MMP26: variants seen among roughly 807,000 people sequenced by gnomAD.
MMP26 encodes the protein matrix metalloproteinase-26.
MMP26 carries 33 observed loss-of-function variants against 31.0 expected under a neutral mutation model. The observed-to-expected ratio is 1.06, with a 90% CI of 0.81 to 1.42. The LOEUF (loss-of-function observed/expected upper bound fraction) is 1.42. MMP26 is among the 40% of genes most tolerant of loss of function. The pLI is 0.00. For missense variants in MMP26, 347 were observed against 316.1 expected, an observed-to-expected ratio of 1.10 and a Z score of -0.74; for synonymous variants, 122 against 114.9, an observed-to-expected ratio of 1.06 and a Z score of -0.40.
chr11:4,939,759 A>G (rs180941440), intron 2 of MMP26, among the ~76,000 whole-genome samples: 1 of 152,194 alleles, frequency 6.6e-6, no homozygotes, highest in Admixed American at 6.5e-5. Flanking sequence ...CTATCCCAGG[A>G]CCTTGCTTCC....
intron 2 of MMP26, among the ~76,000 whole-genome samples, chr11:4,785,427 A>G (rs1238648623): frequency 6.6e-6 from 1 of 152,124 alleles, no homozygotes; most frequent in Non-Finnish European, 1.5e-5. Context: ...TCCTTTTGAT[A>G]TGTATACTTA....
intron 2 of MMP26, chr11:4,889,775 A>G (rs1850591374): frequency 6.1e-6 from 1 of 164,404 alleles, no homozygotes; most frequent in Admixed American, 6.0e-5. Flanking sequence ...CAAAGCAATG[A>G]CGGGCGCATA....
intron 2 of MMP26, among the ~76,000 whole-genome samples, chr11:4,893,289 C>A (rs1477400271): frequency 6.6e-6 from 1 of 152,058 alleles, no homozygotes; most frequent in Non-Finnish European, 1.5e-5. Context: ...ATCCTTCATT[C>A]TTCCAATATT....
At chr11:4,852,181 C>G (rs1468795962) in intron 2 of MMP26, among the ~76,000 whole-genome samples, 1 of 151,754 alleles carries the variant, frequency 6.6e-6, no homozygotes, top group African/African-American at 2.4e-5. Context: ...ATATAAAGAA[C>G]ACTAGATCCC....
intron 2 of MMP26, among the ~76,000 whole-genome samples, chr11:4,959,788 A>G (rs1021729859): frequency 2.6e-5 from 4 of 152,086 alleles, no homozygotes; most frequent in Non-Finnish European, 5.9e-5. Context: ...TAACTTGTTT[A>G]TTGTTGACTG....
rs113329734 is a variant in MMP26, at chr11:4,975,760, G to A, written c.-144-12308G>A. ...TCCTCCTGTGGATGTATGGAGATAC[G>A]GTTCCTCTTTTGATTTCCTCCCAAA... On this transcript the variant is annotated intron_variant, in intron 2 of 7. Coordinates refer to ENST00000380390, the MANE Select transcript of MMP26 (RefSeq NM_021801.5). Among the ~76,000 whole-genome samples, 233 of 151,994 alleles carry A rather than the reference G, an allele frequency of 1.5e-3. 3 individuals are homozygous for A. The highest frequency in any genetic ancestry group is 5.1e-3 in the African/African-American group (212 of 41,346).
Position 4,849,180 on chromosome 11 carries a change from G to A in MMP26, c.-145+81839G>A, listed in dbSNP as rs757816643. The A allele has an allele frequency of 1.3e-5, 21 of 1,612,372 alleles. No individual in the cohort carries two copies. The Admixed American group carries it at 3.3e-4, about 26-fold the overall frequency. The stretch of plus-strand genomic sequence containing the variant: ...GGGGGCCATTGAAGTGCTGCTATTG[G>A]GGGCTATCTGAGTTGGTAATGTTGA... On this transcript the variant is annotated intron_variant, in intron 2 of 7. Transcript: ENST00000380390.
At position 4,815,935 on chromosome 11, in the gene MMP26, A is replaced by G. The variant is rs1356154938; in HGVS notation, c.-145+48594A>G. The stretch of plus-strand genomic sequence containing the variant: ...GATATTTACGTGTTCACTCAATTTT[A>G]CAAGCATTTAATTTTCCTTATCAAC... On this transcript the variant is annotated intron_variant, in intron 2 of 7. Transcript: ENST00000380390. Among the ~76,000 whole-genome samples the G allele has an allele frequency of 2.0e-5, 3 of 152,190 alleles. No individual in the cohort carries two copies. The East Asian group carries it at 5.8e-4, about 29-fold the overall frequency.
chr11:4,925,669 T>C (rs748657802), intron 2 of MMP26, among the ~76,000 whole-genome samples: 17 of 150,828 alleles, frequency 1.1e-4, no homozygotes, highest in Non-Finnish European at 1.9e-4. Context: ...GGGCAGGTCA[T>C]AATGTTAAAA....
intron 5 of MMP26, 83 bp from the exon 6 acceptor site, chr11:4,991,286 TAA>T (rs2133654003): frequency 6.7e-7 from 1 of 1,488,650 alleles, no homozygotes. Flanking sequence ...CACAGTATCC[TAA>T]GTCTCTGAGG....
intron 2 of MMP26, chr11:4,909,305 A>G (rs908256513): frequency 5.3e-5 from 8 of 152,200 alleles, no homozygotes; most frequent in Admixed American, 1.3e-4. Context: ...AGTTGAAAAT[A>G]CAATTTGAAG....
chr11:4,907,919 A>T (rs779843299), intron 2 of MMP26: 1 of 1,614,106 alleles, frequency 6.2e-7, no homozygotes. Context: ...TCATCAGGAT[A>T]CCATGAAGCT....
Position 4,770,072 on chromosome 11 carries a change from A to G in MMP26, c.-145+2731A>G, listed in dbSNP as rs1051038329. The G allele has an allele frequency of 6.8e-6, 4 of 586,674 alleles. No individual in the cohort carries two copies. The African/African-American group carries it at 7.5e-5, about 11-fold the overall frequency. 36.3% of individuals were successfully genotyped at this position (586,674 alleles called of 1,614,324 possible). Reference sequence around the variant, plus strand: ...ATCTGCATCATTGAGAAACCTTTAAATTAAATTATAATGTTCATCTACCAC... The same window carrying G: ...ATCTGCATCATTGAGAAACCTTTAAGTTAAATTATAATGTTCATCTACCAC... On this transcript the variant is annotated intron_variant, in intron 2 of 7. Transcript: ENST00000380390.
intron 2 of MMP26, among the ~76,000 whole-genome samples, chr11:4,798,436 A>G (rs1849137380): frequency 6.6e-6 from 1 of 152,250 alleles, no homozygotes. Context: ...GTCTACCTAC[A>G]TGGCATAAAT....
intron 2 of MMP26, among the ~76,000 whole-genome samples, chr11:4,784,827 C>T (rs1002846263): frequency 2.0e-5 from 3 of 152,098 alleles, no homozygotes; most frequent in Admixed American, 6.5e-5. Context: ...ATAAATGACA[C>T]GTAATAATTG....
intron 1 of MMP26, among the ~76,000 whole-genome samples, chr11:4,740,257 A>G (rs1848294627): frequency 6.6e-6 from 1 of 152,228 alleles, no homozygotes; most frequent in South Asian, 2.1e-4. Context: ...ATAAAAAATA[A>G]TGCACTTATG....
intron 2 of MMP26, among the ~76,000 whole-genome samples, chr11:4,959,254 A>G (rs2133619139): frequency 6.6e-6 from 1 of 151,790 alleles, no homozygotes; most frequent in East Asian, 1.9e-4. Context: ...AAAAAAAAAA[A>G]AAAAAAAAAA....
chr11:4,752,157 G>A (rs1848454364), intron 1 of MMP26: 1 of 152,068 alleles, frequency 6.6e-6, no homozygotes, highest in African/African-American at 2.4e-5. Context: ...AGCAATGGGG[G>A]TGGGCACATA....
chr11:4,718,822 A>T (rs941690916), intron 1 of MMP26: 9 of 159,402 alleles, frequency 5.6e-5, no homozygotes, highest in Non-Finnish European at 1.1e-4. Flanking sequence ...GCTGTCCACC[A>T]CTGACCTCGG....
Sources: gnomAD v4.1 joint callset for allele counts (sites outside exome capture counted in the v4.1 genomes callset) on GRCh38, gnomAD v4.1.1 for gene constraint, MANE v1.5 for transcripts, NCBI Gene and HGNC (gene_info 2026-07-23, HGNC 2026-07-21) for gene names.